Variants in KCNT1 observed in about 807,000 individuals in gnomAD.
KCNT1 encodes the protein potassium sodium-activated channel subfamily T member 1, also known as potassium channel subfamily T member 1.
KCNT1 carries 78 observed loss-of-function variants against 147.8 expected under a neutral mutation model. The ratio of observed to expected loss-of-function variants is 0.53; its 90% CI spans 0.44 to 0.64. The LOEUF (loss-of-function observed/expected upper bound fraction) is 0.64, where lower values mean the gene tolerates loss of function less well. Among genes scored for constraint, KCNT1 ranks in the 30% least tolerant of loss-of-function variants. The probability of loss-of-function intolerance (pLI) is 0.00; values close to 1 mark genes in which losing one functional copy is unlikely to be tolerated. For synonymous variants in KCNT1, 867 were observed against 748.8 expected (o/e 1.16, Z -2.58); for missense variants, 1,419 against 1,750.3 (o/e 0.81, Z 3.38).
intron 1 of KCNT1, among the ~76,000 whole-genome samples, chr9:135,709,731 A>C (rs1321502255): frequency 6.6e-6 from 1 of 152,096 alleles, no homozygotes; most frequent in Non-Finnish European, 1.5e-5. Context: ...CCCAGGCTGG[A>C]GTGCAGTGGT....
Position 135,765,613 on chromosome 9 carries a change from C to G in KCNT1, c.1201-11C>G. ...TGGCTCAGAGGGTCTGACCCTCCGC[C>G]TGGCCGGCAGGACTATTACGTGGTC... On this transcript the variant is annotated splice_polypyrimidine_tract_variant and intron_variant, in intron 12 of 30. Transcript: ENST00000371757. The G allele has an allele frequency of 1.2e-6, 2 of 1,603,310 alleles. No individual in the cohort carries two copies. The highest frequency in any genetic ancestry group is 8.5e-7 in the Non-Finnish European group (1 of 1,173,554).
chr9:135,720,849 C>T (rs1835896755), intron 2 of KCNT1, among the ~76,000 whole-genome samples: 2 of 152,336 alleles, frequency 1.3e-5, no homozygotes, highest in East Asian at 3.9e-4. Context: ...TAGGGCTGGG[C>T]TGCGCCTGCA....
rs145697148 is a variant in KCNT1 at position 135,757,366 on chromosome 9, G to T, written c.744G>T (p.Ala248=). 3 of 1,609,380 alleles carry T rather than the reference G, an allele frequency of 1.9e-6. No individual in the cohort carries two copies. The highest frequency in any genetic ancestry group is 1.7e-6 in the Non-Finnish European group (2 of 1,179,910). ...VFLNCWLAKH[A]LENMINDFHR... ...TGAACTGCTGGCTGGCCAAGCACGC[G>T]CTGGAAAACATGATTGTAAGCCGGG... is the stretch of plus-strand genomic sequence containing the variant. Residue 248 remains alanine, a synonymous_variant, in exon 9 of 31, where the codon GCG becomes GCT. Transcript: ENST00000371757.
chr9:135,719,242 T>G (rs1383061500), intron 2 of KCNT1, among the ~76,000 whole-genome samples: 1 of 152,190 alleles, frequency 6.6e-6, no homozygotes, highest in African/African-American at 2.4e-5. Context: ...ACTTGGGCTC[T>G]TCTTCTGCAG....
At chr9:135,770,801 G>A in intron 17 of KCNT1, 56 bp from the exon 18 acceptor site, 1 of 1,452,808 alleles carries the variant, frequency 6.9e-7, no homozygotes, top group Non-Finnish European at 9.4e-7. Context: ...GGCAGGCAGG[G>A]AGCGGGACAG....
chr9:135,754,720 C>T (rs545798719), intron 5 of KCNT1, among the ~76,000 whole-genome samples: 33 of 152,336 alleles, frequency 2.2e-4, no homozygotes, highest in Middle Eastern at 3.4e-3. Context: ...CATGGGAGCC[C>T]GGCTTCAGGG....
chr9:135,786,581 A>G, intron 29 of KCNT1, 60 bp downstream of exon 29: 2 of 1,448,372 alleles, frequency 1.4e-6, no homozygotes, highest in Non-Finnish European at 1.8e-6. Flanking sequence ...GTCGGGCCAC[A>G]GCCAAGAACA....
intron 16 of KCNT1, 39 bp from the exon 17 acceptor site, chr9:135,770,259 C>T: frequency 6.4e-7 from 1 of 1,555,248 alleles, no homozygotes; most frequent in South Asian, 1.2e-5. Flanking sequence ...GCAGCCATGG[C>T]CGAGGGTGAC....
intron 2 of KCNT1, among the ~76,000 whole-genome samples, chr9:135,722,071 C>T (rs1835947004): frequency 6.6e-6 from 1 of 152,192 alleles, no homozygotes; most frequent in Non-Finnish European, 1.5e-5. Flanking sequence ...GACCAGGGCC[C>T]ATCACATGTG....
intron 16 of KCNT1, 101 bp downstream of exon 16, chr9:135,770,156 G>A (rs1309555919): frequency 8.7e-6 from 12 of 1,379,892 alleles, no homozygotes; most frequent in Admixed American, 2.1e-5. Context: ...TCCCAGAGGA[G>A]GGGCACATGG....
chr9:135,714,884 G>T lies in KCNT1; in HGVS notation c.254+164G>T, dbSNP rs1169075833. 2.0e-5 allele frequency among the ~76,000 whole-genome samples: 3 copies of T among 152,180 alleles called. No individual in the cohort carries two copies. The East Asian group carries it at 5.8e-4, about 29-fold the overall frequency. On this transcript the variant is annotated intron_variant, in intron 2 of 30. Coordinates refer to ENST00000371757, the MANE Select transcript of KCNT1 (RefSeq NM_020822.3). The surrounding 1 kb of genome is among the most constrained non-coding windows in gnomAD (Gnocchi z 6.2). ...GACGCAGAAGTTTCGGAGGGGGTGC[G>T]GGCAGGGGGAAGCATCTTCTCGGGA...
intron 2 of KCNT1, among the ~76,000 whole-genome samples, chr9:135,727,823 A>G (rs1382784602): frequency 6.6e-6 from 1 of 152,210 alleles, no homozygotes; most frequent in Non-Finnish European, 1.5e-5. Context: ...TTCTCAGAGC[A>G]GCCGAAGGAT....
chr9:135,788,033 GCA>G (rs1834206071), intron 29 of KCNT1: 13 of 1,279,784 alleles, frequency 1.0e-5, no homozygotes, highest in Non-Finnish European at 1.5e-5. Flanking sequence ...CCGGCCGCCC[GCA>G]CCTCGCTTGC....
chr9:135,784,908 G>C lies in KCNT1; in HGVS notation c.3156+19G>C, dbSNP rs1364101045. On this transcript the variant is annotated intron_variant, in intron 27 of 30. Coordinates refer to ENST00000371757, the MANE Select transcript of KCNT1 (RefSeq NM_020822.3). Reference sequence around the variant, plus strand: ...CTCGGAGGTTCTGGGGCAGCCTGGGGGCTGGGACTGTGGCAGCCCCTGTCC... The same window carrying C: ...CTCGGAGGTTCTGGGGCAGCCTGGGCGCTGGGACTGTGGCAGCCCCTGTCC... The C allele has an allele frequency of 6.2e-7, 1 of 1,610,090 alleles. No individual in the cohort carries two copies. Among genetic ancestry groups the C allele is most frequent in the Non-Finnish European group, 8.5e-7 (1 of 1,179,398 alleles).
rs1320646450 is a variant in KCNT1, at chr9:135,759,383, C to A, written c.855-296C>A. Among the ~76,000 whole-genome samples the A allele has an allele frequency of 3.3e-5, 5 of 150,198 alleles. 1 individual carries two copies. The highest frequency in any genetic ancestry group is 2.6e-4 in the Admixed American group (4 of 15,214). Reference sequence around the variant, plus strand: ...AATGTTCCAGGGACCTAGGAGAGAGCCACCCGGCAGGCAGGGAGGCTCCGG... The same window carrying A: ...AATGTTCCAGGGACCTAGGAGAGAGACACCCGGCAGGCAGGGAGGCTCCGG... On this transcript the variant is annotated intron_variant, in intron 10 of 30. Transcript: ENST00000371757.
At chr9:135,780,783 G>A (rs1277784435) in intron 24 of KCNT1, among the ~76,000 whole-genome samples, 1 of 152,238 alleles carries the variant, frequency 6.6e-6, no homozygotes, top group African/African-American at 2.4e-5. Context: ...GGAAGGGGAG[G>A]AAGTTCACAG....
At chr9:135,784,199 G>C in intron 25 of KCNT1, 74 bp downstream of exon 25, 3 of 1,191,364 alleles carry the variant, frequency 2.5e-6, no homozygotes, top group East Asian at 2.3e-5. Flanking sequence ...CTTCAGCCTG[G>C]TCCCTGTTCT....
intron 11 of KCNT1, 21 bp from the exon 12 acceptor site, chr9:135,765,010 T>C: frequency 6.3e-7 from 1 of 1,595,942 alleles, no homozygotes; most frequent in Non-Finnish European, 8.6e-7. Flanking sequence ...TCGCTGGTGC[T>C]CACCTGTTTC....
chr9:135,779,531 G>T (rs1451014516), intron 24 of KCNT1, 61 bp downstream of exon 24: 104 of 1,272,510 alleles, frequency 8.2e-5, no homozygotes, highest in Non-Finnish European at 1.2e-4. Context: ...TGGGAGAAAG[G>T]GGCTCAGGGG....
Sources: allele counts gnomAD v4.1 joint callset (sites outside exome capture counted in the v4.1 genomes callset), GRCh38; gene constraint gnomAD v4.1.1; non-coding constraint Gnocchi (gnomAD v3.1); transcripts MANE v1.5; gene names NCBI Gene and HGNC (gene_info 2026-07-23, HGNC 2026-07-21).